COPS3: variants seen among roughly 807,000 people sequenced by gnomAD.
The protein encoded by COPS3 is COP9 signalosome subunit 3.
Under a neutral mutation model 58.2 loss-of-function variants are expected in COPS3, and 10 were observed. That is an observed-to-expected ratio of 0.17 (90% CI 0.11 to 0.29). COPS3 has a LOEUF of 0.29. COPS3 is among the 10% of genes least tolerant of loss of function. The probability of loss-of-function intolerance (pLI) is 1.00; values close to 1 mark genes in which losing one functional copy is unlikely to be tolerated. For synonymous variants in COPS3, 187 were observed against 181.7 expected (o/e 1.03, Z -0.24); for missense variants, 333 against 510.1 (o/e 0.65, Z 3.34).
chr17:17,272,310 C>T (rs1392154586), intron 2 of COPS3, among the ~76,000 whole-genome samples: 2 of 152,036 alleles, frequency 1.3e-5, no homozygotes, highest in African/African-American at 4.8e-5. Flanking sequence ...GTAATCCCAC[C>T]TATTTGGGAG....
At chr17:17,254,827 A>AAAAAG in intron 9 of COPS3, 32 bp downstream of exon 9, 95 of 1,424,302 alleles carry the variant, frequency 6.7e-5, no homozygotes, top group Non-Finnish European at 8.3e-5. Context: ...AAAAAAAAAA[A>AAAAAG]AAAAAGAAAA....
At chr17:17,280,547 AAC>A (rs374831773) in intron 1 of COPS3, 2 of 1,046,430 alleles carry the variant, frequency 1.9e-6, no homozygotes, top group Non-Finnish European at 1.2e-6. Context: ...GCTAAAAAAA[AAC>A]AAAGAAGAAG....
intron 4 of COPS3, among the ~76,000 whole-genome samples, chr17:17,269,531 G>A (rs1471240137): frequency 2.6e-5 from 4 of 152,072 alleles, no homozygotes; most frequent in Non-Finnish European, 5.9e-5. Context: ...GGAAGGTGGA[G>A]GTTGCAGTGA....
chr17:17,246,884 T>A lies in COPS3; in HGVS notation c.*214A>T, dbSNP rs1434007296. On this transcript the variant is annotated 3_prime_UTR_variant, in exon 12 of 12. Coordinates refer to ENST00000268717, the MANE Select transcript of COPS3 (RefSeq NM_003653.4). ...GCAGTAACAATAATCTGAGGATAAA[T>A]AAATCCACGACAGACTTTAAAGTTT... is the stretch of plus-strand genomic sequence containing the variant. 1.8e-6 allele frequency: 1 copy of A among 566,474 alleles called. No individual in the cohort carries two copies. The highest frequency in any genetic ancestry group is 3.2e-6 in the Non-Finnish European group (1 of 315,722). 35.1% of individuals were successfully genotyped at this position (566,474 alleles called of 1,614,324 possible).
intron 1 of COPS3, among the ~76,000 whole-genome samples, chr17:17,280,090 A>G (rs1226782846): frequency 6.6e-6 from 1 of 151,716 alleles, no homozygotes; most frequent in Non-Finnish European, 1.5e-5. Flanking sequence ...CATGGTAAAA[A>G]CCCCATCTCT....
intron 2 of COPS3, among the ~76,000 whole-genome samples, chr17:17,272,863 T>A (rs941756335): frequency 4.6e-5 from 7 of 151,698 alleles, no homozygotes; most frequent in African/African-American, 1.7e-4. Context: ...AATTAAGCCA[T>A]TGCACTCCAG....
At chr17:17,263,756 C>A (rs1189221860) in intron 6 of COPS3, among the ~76,000 whole-genome samples, 1 of 148,176 alleles carries the variant, frequency 6.7e-6, no homozygotes, top group South Asian at 2.2e-4. Context: ...TCAGGTGATC[C>A]GCCGGCCTCG....
At chr17:17,275,094 A>AT (rs11372300) in intron 2 of COPS3, among the ~76,000 whole-genome samples, 72,169 of 144,290 alleles carry the variant, frequency 0.5, 18,140 homozygotes, top group East Asian at 0.62. Flanking sequence ...GCAACAACTG[A>AT]TTTTTTTTTT....
At chr17:17,252,210 T>C (rs2047862641) in intron 9 of COPS3, among the ~76,000 whole-genome samples, 2 of 152,180 alleles carry the variant, frequency 1.3e-5, no homozygotes, top group South Asian at 4.1e-4. Flanking sequence ...TGTTTAGCCG[T>C]ACACTTAAGT....
chr17:17,249,055 A>G lies in COPS3; in HGVS notation c.1024-16T>C. 1 of 1,485,528 alleles carries G rather than the reference A, an allele frequency of 6.7e-7. No individual in the cohort carries two copies. 92.0% of individuals were successfully genotyped at this position (1,485,528 alleles called of 1,614,324 possible). A position where few individuals can be genotyped will look rare whatever the true frequency, so the allele number is the denominator to read the frequency against. On this transcript the variant is annotated splice_polypyrimidine_tract_variant and intron_variant, in intron 9 of 11. Transcript: ENST00000268717. ...CATCTTCTATCTGCAGAAAGAAAAA[A>G]AAAAAAATCAGGAAAGCAGTTTAGA...
intron 9 of COPS3, among the ~76,000 whole-genome samples, chr17:17,253,899 G>C (rs1398858853): frequency 6.6e-6 from 1 of 152,158 alleles, no homozygotes; most frequent in Non-Finnish European, 1.5e-5. Flanking sequence ...GCTGAGACAG[G>C]AGAATTGTTT....
chr17:17,275,871 G>A (rs1203271771), intron 2 of COPS3, among the ~76,000 whole-genome samples, 164 bp downstream of exon 2: 1 of 152,180 alleles, frequency 6.6e-6, no homozygotes. Flanking sequence ...GAACCCGGGA[G>A]GCGGAGCTTG....
Position 17,260,466 on chromosome 17 carries a change from G to T in COPS3, c.771C>A (p.Ser257Arg). The T allele has an allele frequency of 6.2e-7, 1 of 1,614,012 alleles. No individual in the cohort carries two copies. The highest frequency in any genetic ancestry group is 8.5e-7 in the Non-Finnish European group (1 of 1,179,954). The change falls in exon 8 of 12, where the codon AGC becomes AGA. Residue 257 changes from serine (S) to arginine (R), a missense_variant. By Grantham distance (110) the Ser-to-Arg change is moderately radical. Transcript: ENST00000268717. ...CTTGTGCTAACTCGTGGTATGCATT[G>T]CTAAGAGGCTAAAGATGCAAAGGAG... ...QIVGRFIKPL[S>R]NAYHELAQVY...
At chr17:17,271,107 T>G in intron 2 of COPS3, 99 bp from the exon 3 acceptor site, 1 of 823,544 alleles carries the variant, frequency 1.2e-6, no homozygotes, top group South Asian at 1.5e-5. Context: ...CAATACTCTG[T>G]AAAATTAAAT....
chr17:17,248,969 T>G lies in COPS3; in HGVS notation c.1094A>C (p.Glu365Ala). 1 of 1,611,314 alleles carries G rather than the reference T, an allele frequency of 6.2e-7. No homozygotes were observed. The highest frequency in any genetic ancestry group is 1.3e-5 in the African/African-American group (1 of 74,854). Residue 365 changes from glutamate to alanine, a missense_variant, in exon 10 of 12, where the codon GAA becomes GCA. By Grantham distance (107) the Glu-to-Ala change is moderately radical. Coordinates refer to ENST00000268717, the MANE Select transcript of COPS3 (RefSeq NM_003653.4). ...AAGCATGGCTGGGTTATTATATTTT[T>G]CAGGGTTATCATGGAAACTGACCAT... is the stretch of plus-strand genomic sequence containing the variant. ...DGMVSFHDNP[E>A]KYNNPAMLHN... is the part of the protein sequence containing the mutation.
At chr17:17,272,096 T>G (rs1332046990) in intron 2 of COPS3, among the ~76,000 whole-genome samples, 4 of 151,776 alleles carry the variant, frequency 2.6e-5, no homozygotes, top group Non-Finnish European at 5.9e-5. Flanking sequence ...GAGACCAGCC[T>G]AGCCAATATG....
intron 2 of COPS3, among the ~76,000 whole-genome samples, chr17:17,274,426 C>CTTT (rs71152859): frequency 3.5e-5 from 5 of 141,486 alleles, no homozygotes; most frequent in Admixed American, 6.9e-5. Context: ...ATTAGCTTTT[C>CTTT]TTTTTTTTTT....
intron 1 of COPS3, chr17:17,280,903 C>T: frequency 2.1e-6 from 2 of 938,492 alleles, no homozygotes; most frequent in Non-Finnish European, 3.0e-6. Flanking sequence ...GGGCTCCCGG[C>T]GGCCCGAGGG....
At chr17:17,269,199 C>T (rs1437809001) in intron 4 of COPS3, among the ~76,000 whole-genome samples, 4 of 152,046 alleles carry the variant, frequency 2.6e-5, no homozygotes, top group Non-Finnish European at 5.9e-5. Context: ...CCGAGGCAGG[C>T]GGATCGCCTG....
Sources: allele counts gnomAD v4.1 joint callset (sites outside exome capture counted in the v4.1 genomes callset), GRCh38; gene constraint gnomAD v4.1.1; transcripts MANE v1.5; gene names NCBI Gene and HGNC (gene_info 2026-07-23, HGNC 2026-07-21).